The following SSBP2 variants were observed in gnomAD, a reference collection of about 807,000 sequenced individuals.
SSBP2 encodes the protein single stranded DNA binding protein 2, also known as single-stranded DNA-binding protein 2.
In SSBP2, 17 loss-of-function variants were observed where a neutral mutation model predicts 61.8. The ratio of observed to expected loss-of-function variants is 0.28; its 90% CI spans 0.19 to 0.41. SSBP2 has a LOEUF of 0.41. SSBP2 is among the 10% of genes least tolerant of loss of function. The pLI is 1.00. For synonymous variants in SSBP2, 139 were observed against 141.3 expected, an observed-to-expected ratio of 0.98 and a Z score of 0.12; for missense variants, 310 against 458.7, an observed-to-expected ratio of 0.68 and a Z score of 2.96.
At chr5:81,689,536 C>T (rs1233406596) in intron 1 of SSBP2, among the ~76,000 whole-genome samples, 2 of 151,554 alleles carry the variant, frequency 1.3e-5, no homozygotes, top group Admixed American at 6.6e-5. Context: ...TCAGCTGAAA[C>T]CTTACAGGCC....
At chr5:81,744,506 G>A (rs1346975036) in intron 1 of SSBP2, among the ~76,000 whole-genome samples, 1 of 151,524 alleles carries the variant, frequency 6.6e-6, no homozygotes, top group Non-Finnish European at 1.5e-5. Context: ...TATTTCATCA[G>A]TATTTTAATA....
intron 5 of SSBP2, among the ~76,000 whole-genome samples, chr5:81,510,115 T>TA (rs1768486323): frequency 6.6e-6 from 1 of 152,200 alleles, no homozygotes; most frequent in South Asian, 2.1e-4. Context: ...ACAATTCATC[T>TA]ACCCCTGTGG....
intron 1 of SSBP2, among the ~76,000 whole-genome samples, chr5:81,657,460 T>C (rs1270151708): frequency 6.6e-6 from 1 of 152,192 alleles, no homozygotes; most frequent in Non-Finnish European, 1.5e-5. Flanking sequence ...ACAATGTGTG[T>C]AGAAAAAGAG....
intron 4 of SSBP2, among the ~76,000 whole-genome samples, chr5:81,598,736 C>T (rs1744044103): frequency 6.6e-6 from 1 of 152,152 alleles, no homozygotes; most frequent in Non-Finnish European, 1.5e-5. Context: ...TCCTCAAATC[C>T]TCTCTGATCC....
chr5:81,681,845 A>G (rs1191177639), intron 1 of SSBP2, among the ~76,000 whole-genome samples: 4 of 152,144 alleles, frequency 2.6e-5, no homozygotes, highest in African/African-American at 9.6e-5. Flanking sequence ...ACAAAAAAAG[A>G]GAAGACAAGT....
chr5:81,552,095 T>C (rs1772240700), intron 4 of SSBP2, among the ~76,000 whole-genome samples: 1 of 152,198 alleles, frequency 6.6e-6, no homozygotes, highest in Admixed American at 6.5e-5. Context: ...TATTTTGTTT[T>C]GTAGCATAAA....
chr5:81,491,573 A>G lies in SSBP2; in HGVS notation c.373-2264T>C, dbSNP rs577092980. Among the ~76,000 whole-genome samples, 3 of 152,228 alleles carry G rather than the reference A, an allele frequency of 2.0e-5. No homozygotes were observed. The South Asian group carries it at 6.2e-4, about 32-fold the overall frequency. On this transcript the variant is annotated intron_variant, in intron 5 of 16. Transcript: ENST00000320672. ...CCCTGTGAAGGAGCTGCTGTGAGGG[A>G]GGGTCAGTGTATGTGCTAGCTGGGA...
intron 1 of SSBP2, among the ~76,000 whole-genome samples, chr5:81,667,288 C>CAGAT (rs956925273): frequency 6.2e-4 from 15 of 24,032 alleles, no homozygotes; most frequent in East Asian, 4.3e-3. Flanking sequence ...GATACAGATA[C>CAGAT]ACACACACAC....
intron 10 of SSBP2, among the ~76,000 whole-genome samples, chr5:81,453,544 C>T (rs558326764): frequency 5.3e-5 from 8 of 151,168 alleles, no homozygotes; most frequent in African/African-American, 9.7e-5. Flanking sequence ...GCAGGCTCCG[C>T]CCCCCGGGTT....
chr5:81,682,020 G>A (rs1752424868), intron 1 of SSBP2, among the ~76,000 whole-genome samples: 1 of 152,130 alleles, frequency 6.6e-6, no homozygotes, highest in Non-Finnish European at 1.5e-5. Context: ...GGAAGAAACA[G>A]ACCACCTGAA....
chr5:81,582,344 A>T (rs2153477865), intron 4 of SSBP2, among the ~76,000 whole-genome samples: 1 of 152,316 alleles, frequency 6.6e-6, no homozygotes, highest in Admixed American at 6.5e-5. Flanking sequence ...AAATTTAAGA[A>T]ATTACTAGTT....
chr5:81,540,555 C>G (rs1771183509), intron 4 of SSBP2, among the ~76,000 whole-genome samples: 1 of 152,114 alleles, frequency 6.6e-6, no homozygotes. Context: ...CGAGAAATGT[C>G]TATTCATATC....
chr5:81,526,608 A>G (rs753218157), intron 4 of SSBP2, among the ~76,000 whole-genome samples: 8 of 152,082 alleles, frequency 5.3e-5, no homozygotes, highest in Non-Finnish European at 8.8e-5. Flanking sequence ...AAATCATAGC[A>G]TTAAAAAATG....
chr5:81,724,005 G>A (rs1343917646), intron 1 of SSBP2, among the ~76,000 whole-genome samples: 1 of 151,964 alleles, frequency 6.6e-6, no homozygotes. Context: ...TAACTCTGCT[G>A]CTCTCTTCTG....
At chr5:81,505,660 G>C (rs1768130024) in intron 5 of SSBP2, among the ~76,000 whole-genome samples, 1 of 152,042 alleles carries the variant, frequency 6.6e-6, no homozygotes. Flanking sequence ...ATTTTCAAAA[G>C]AAAAACTATA....
intron 3 of SSBP2, among the ~76,000 whole-genome samples, chr5:81,619,603 A>G (rs1264102918): frequency 1.4e-5 from 2 of 148,042 alleles, no homozygotes; most frequent in African/African-American, 5.1e-5. Context: ...AACTCATTTT[A>G]TGGGCCAGCA....
At chr5:81,579,545 T>G (rs530935762) in intron 4 of SSBP2, among the ~76,000 whole-genome samples, 39 of 152,258 alleles carry the variant, frequency 2.6e-4, no homozygotes, top group Non-Finnish European at 4.7e-4. Context: ...TATTTAAAGA[T>G]GAACTACCTC....
intron 5 of SSBP2, among the ~76,000 whole-genome samples, chr5:81,496,851 G>A (rs752363357): frequency 6.6e-6 from 1 of 152,118 alleles, no homozygotes; most frequent in African/African-American, 2.4e-5. Context: ...ACACACTTAT[G>A]TACCAGGCTC....
At chr5:81,727,170 C>G (rs905551461) in intron 1 of SSBP2, among the ~76,000 whole-genome samples, 1 of 152,200 alleles carries the variant, frequency 6.6e-6, no homozygotes, top group African/African-American at 2.4e-5. Context: ...GGGCAAATAT[C>G]AACAAACCTT....
Sources: allele counts gnomAD v4.1 joint callset (sites outside exome capture counted in the v4.1 genomes callset), GRCh38; gene constraint gnomAD v4.1.1; transcripts MANE v1.5; gene names NCBI Gene and HGNC (gene_info 2026-07-23, HGNC 2026-07-21).